DCC: variants seen among roughly 807,000 people sequenced by gnomAD.
DCC encodes the protein DCC netrin 1 receptor.
DCC carries 58 observed loss-of-function variants against 172.5 expected under a neutral mutation model. That is an observed-to-expected ratio of 0.34 (90% confidence interval 0.27 to 0.42). The LOEUF is 0.42. Ranked by LOEUF, DCC falls within the 10% of genes least tolerant of loss-of-function variation. The probability of loss-of-function intolerance (pLI) is 1.00; values close to 1 mark genes in which losing one functional copy is unlikely to be tolerated. For synonymous variants in DCC, 709 were observed against 644.5 expected (o/e 1.10, Z -1.52); for missense variants, 1,740 against 1,791.0 (o/e 0.97, Z 0.51).
At chr18:53,058,446 C>A (rs781579564) in intron 5 of DCC, among the ~76,000 whole-genome samples, 5 of 152,014 alleles carry the variant, frequency 3.3e-5, no homozygotes, top group Non-Finnish European at 7.4e-5. Flanking sequence ...AATGGTACTT[C>A]CCATTACCCT....
intron 15 of DCC, among the ~76,000 whole-genome samples, chr18:53,383,995 A>G (rs1374761081): frequency 6.6e-6 from 1 of 152,154 alleles, no homozygotes; most frequent in Non-Finnish European, 1.5e-5. Flanking sequence ...TTATGATTGT[A>G]CCATATCTAT....
intron 7 of DCC, among the ~76,000 whole-genome samples, chr18:53,086,010 C>CTTATTATTATTATTA (rs781244055): frequency 5.2e-5 from 1 of 19,070 alleles, no homozygotes; most frequent in Non-Finnish European, 9.4e-5. Context: ...TCTTCTCCTT[C>CTTATTATTATTATTA]TCCTTCTCCC....
At chr18:52,993,157 T>C (rs7506663) in intron 5 of DCC, among the ~76,000 whole-genome samples, 110,315 of 151,944 alleles carry the variant, frequency 0.73, 40,203 homozygotes, top group East Asian at 0.75. Context: ...AAGAAAAGGA[T>C]AATTATTTTG....
chr18:52,473,585 A>G (rs1035536451), intron 1 of DCC, among the ~76,000 whole-genome samples: 2 of 152,188 alleles, frequency 1.3e-5, no homozygotes, highest in African/African-American at 4.8e-5. Flanking sequence ...AGCTGGAGAA[A>G]GGAGCAGATT....
chr18:52,474,659 A>G (rs1342614577), intron 1 of DCC, among the ~76,000 whole-genome samples: 1 of 152,180 alleles, frequency 6.6e-6, no homozygotes, highest in Non-Finnish European at 1.5e-5. Flanking sequence ...GTAGAGTTGC[A>G]GGATTTTATA....
intron 2 of DCC, among the ~76,000 whole-genome samples, chr18:52,810,178 G>A (rs141348010): frequency 1.4e-3 from 216 of 152,310 alleles, no homozygotes; most frequent in African/African-American, 1.7e-3. Context: ...GACAACAGGA[G>A]CTAATGAAAG....
At chr18:52,956,167 T>C (rs908547832) in intron 5 of DCC, among the ~76,000 whole-genome samples, 1 of 152,082 alleles carries the variant, frequency 6.6e-6, no homozygotes, top group African/African-American at 2.4e-5. Context: ...TTCTCCTGTG[T>C]TATCTTCCAG....
chr18:52,823,208 C>T (rs543530412), intron 2 of DCC, among the ~76,000 whole-genome samples: 52 of 152,200 alleles, frequency 3.4e-4, no homozygotes, highest in African/African-American at 1.1e-3. Flanking sequence ...GTGGCTCACA[C>T]CTATAAACCC....
chr18:52,509,688 A>G (rs914978223), intron 1 of DCC, among the ~76,000 whole-genome samples: 2 of 152,136 alleles, frequency 1.3e-5, no homozygotes, highest in Non-Finnish European at 2.9e-5. Flanking sequence ...CACTTACCCG[A>G]AGGCATTTAC....
intron 1 of DCC, among the ~76,000 whole-genome samples, chr18:52,651,195 C>T (rs1027084953): frequency 3.3e-5 from 5 of 152,078 alleles, no homozygotes; most frequent in Non-Finnish European, 5.9e-5. Context: ...GTAGGTGTCG[C>T]TCTGTTGGCC....
At chr18:53,056,398 C>A (rs1181474792) in intron 5 of DCC, among the ~76,000 whole-genome samples, 1 of 152,130 alleles carries the variant, frequency 6.6e-6, no homozygotes, top group Non-Finnish European at 1.5e-5. Context: ...GCACACAGAG[C>A]TAAACCACAC....
chr18:52,827,786 T>A (rs2038538486), intron 2 of DCC, among the ~76,000 whole-genome samples: 2 of 152,318 alleles, frequency 1.3e-5, no homozygotes, highest in Non-Finnish European at 2.9e-5. Flanking sequence ...AATGTATGTA[T>A]TCCCCTTGCT....
chr18:53,489,455 A>T (rs1473087503), intron 26 of DCC, among the ~76,000 whole-genome samples: 2 of 152,182 alleles, frequency 1.3e-5, no homozygotes, highest in East Asian at 3.8e-4. Flanking sequence ...ATTGGTTTCT[A>T]AATGCCTTAG....
intron 5 of DCC, among the ~76,000 whole-genome samples, chr18:52,926,914 T>TACAC (rs1273939875): frequency 3.9e-4 from 5 of 12,932 alleles, no homozygotes; most frequent in Non-Finnish European, 7.1e-4. Flanking sequence ...TATATATACG[T>TACAC]ATACATATAT....
intron 15 of DCC, among the ~76,000 whole-genome samples, chr18:53,341,991 G>T (rs1027858486): frequency 6.6e-6 from 1 of 152,040 alleles, no homozygotes; most frequent in African/African-American, 2.4e-5. Context: ...TTTAAGGACT[G>T]TATGACAGTT....
chr18:52,894,353 A>G (rs1414201380), intron 2 of DCC, among the ~76,000 whole-genome samples: 3 of 151,962 alleles, frequency 2.0e-5, no homozygotes, highest in Non-Finnish European at 4.4e-5. Context: ...TTAGATGTCC[A>G]ATAAATGCTG....
At chr18:52,552,776 A>G (rs2032810897) in intron 1 of DCC, among the ~76,000 whole-genome samples, 1 of 152,106 alleles carries the variant, frequency 6.6e-6, no homozygotes, top group Non-Finnish European at 1.5e-5. Context: ...AATTGACTTG[A>G]TAATTCTAAT....
chr18:53,178,221 T>C (rs902440637), intron 8 of DCC, among the ~76,000 whole-genome samples: 2 of 152,200 alleles, frequency 1.3e-5, no homozygotes, highest in African/African-American at 4.8e-5. Flanking sequence ...AATGTCAGCA[T>C]CCATATCCAA....
chr18:52,878,554 A>G (rs1256031964), intron 2 of DCC, among the ~76,000 whole-genome samples: 3 of 151,936 alleles, frequency 2.0e-5, no homozygotes, highest in Non-Finnish European at 2.9e-5. Context: ...GCCTTTTCTG[A>G]CCTCCCCATT....
Sources: gnomAD v4.1 joint callset for allele counts (sites outside exome capture counted in the v4.1 genomes callset) on GRCh38, gnomAD v4.1.1 for gene constraint, MANE v1.5 for transcripts, NCBI Gene and HGNC (gene_info 2026-07-23, HGNC 2026-07-21) for gene names.